LANCL1: variants seen among roughly 807,000 people sequenced by gnomAD.
LANCL1 encodes the protein glutathione S-transferase LANCL1.
Under a neutral mutation model 50.6 loss-of-function variants are expected in LANCL1, and 50 were observed. That is an observed-to-expected ratio of 0.99 (90% CI 0.79 to 1.25). The LOEUF (loss-of-function observed/expected upper bound fraction) is 1.25. Ranked by LOEUF, LANCL1 falls within the 50% of genes most tolerant of loss-of-function variation. LANCL1 has a pLI of 0.00. For synonymous variants in LANCL1, 188 were observed against 178.6 expected, an observed-to-expected ratio of 1.05 and a Z score of -0.42; for missense variants, 532 against 480.7, an observed-to-expected ratio of 1.11 and a Z score of -1.00.
In LANCL1 at chr2:210,455,306, C is replaced by G; in HGVS notation, c.208G>C (p.Val70Leu). 4 of 1,509,246 alleles carry G rather than the reference C, an allele frequency of 2.7e-6. No individual in the cohort carries two copies. The highest frequency in any genetic ancestry group is 3.5e-6 in the Non-Finnish European group (4 of 1,126,766). The allele number at this position is 1,509,246 out of a possible 1,614,324, so 93.5% of individuals were successfully genotyped here. ...ACATCATAAAGATGTAAGTAAAGCA[C>G]AGCAATACCTGAAAAAAAAAAAAGG... ...TGYTGWAGIA[V>L]LYLHLYDVFG... Residue 70 changes from valine to leucine, a missense_variant, in exon 4 of 10, where the codon GTG becomes CTG. Val to Leu is a conservative substitution (Grantham distance 32, BLOSUM62 1). Transcript: ENST00000450366.
At chr2:210,464,587 C>T (rs974623319) in intron 3 of LANCL1, among the ~76,000 whole-genome samples, 4 of 152,032 alleles carry the variant, frequency 2.6e-5, no homozygotes, top group African/African-American at 9.7e-5. Context: ...GTCATGAATG[C>T]ACAAAATATA....
intron 3 of LANCL1, chr2:210,468,271 T>A (rs1694127861): frequency 1.3e-5 from 2 of 151,598 alleles, no homozygotes; most frequent in Admixed American, 1.3e-4. Context: ...AAAATATTGC[T>A]TGGAAAATTT....
At chr2:210,465,151 T>G (rs542133211) in intron 3 of LANCL1, among the ~76,000 whole-genome samples, 4 of 152,346 alleles carry the variant, frequency 2.6e-5, no homozygotes, top group African/African-American at 7.2e-5. Flanking sequence ...CAAGTGTTGC[T>G]CCACTTAAAA....
intron 3 of LANCL1, among the ~76,000 whole-genome samples, chr2:210,458,232 T>TA (rs1327403684): frequency 6.6e-6 from 1 of 152,076 alleles, no homozygotes; most frequent in Non-Finnish European, 1.5e-5. Flanking sequence ...AAGAGAAAAA[T>TA]AAACTTCGGT....
intron 3 of LANCL1, among the ~76,000 whole-genome samples, chr2:210,466,449 A>G (rs1321793006): frequency 6.6e-6 from 1 of 152,128 alleles, no homozygotes; most frequent in Non-Finnish European, 1.5e-5. Flanking sequence ...TACTTTATTT[A>G]CTGCCCCTAG....
intron 4 of LANCL1, among the ~76,000 whole-genome samples, chr2:210,443,280 T>C (rs1392448166): frequency 1.3e-5 from 2 of 152,174 alleles, no homozygotes; most frequent in African/African-American, 4.8e-5. Context: ...GCAAATATGA[T>C]AGGGAAGAAA....
chr2:210,469,315 T>C (rs1694156711), intron 3 of LANCL1: 1 of 152,204 alleles, frequency 6.6e-6, no homozygotes, highest in African/African-American at 2.4e-5. Context: ...TGGGGTTGAA[T>C]CAGTTTTAGT....
rs942634924 is a variant in LANCL1, at chr2:210,440,500, C to T, written c.690+98G>A. ...GAGAGTACTGTAATGCAGTGGTTGA[C>T]AGAATGACAAACTAGAACTAGAATA... On this transcript the variant is annotated intron_variant, in intron 6 of 9. Transcript: ENST00000450366. The T allele has an allele frequency of 2.3e-5, 27 of 1,193,018 alleles. No individual in the cohort carries two copies. In the Admixed American group the frequency reaches 6.6e-4, roughly 29 times the overall value. The allele number at this position is 1,193,018 out of a possible 1,614,324, so 73.9% of individuals were successfully genotyped here. A position where few individuals can be genotyped will look rare whatever the true frequency, so the allele number is the denominator to read the frequency against.
At chr2:210,449,542 AG>A in intron 4 of LANCL1, among the ~76,000 whole-genome samples, 1 of 152,214 alleles carries the variant, frequency 6.6e-6, no homozygotes. Context: ...GTACTCAGAT[AG>A]GAACAGAGGA....
intron 8 of LANCL1, 75 bp from the exon 9 acceptor site, chr2:210,435,534 T>C (rs960630463): frequency 1.9e-6 from 2 of 1,073,848 alleles, no homozygotes; most frequent in East Asian, 2.4e-5. Context: ...AGGTTGTCTA[T>C]ACAAATTACT....
At chr2:210,467,672 C>T (rs1194293317) in intron 3 of LANCL1, among the ~76,000 whole-genome samples, 6 of 152,182 alleles carry the variant, frequency 3.9e-5, no homozygotes, top group Non-Finnish European at 7.4e-5. Context: ...AAAAGTTATA[C>T]ATAAACTTTT....
intron 4 of LANCL1, among the ~76,000 whole-genome samples, chr2:210,448,781 T>C (rs890586505): frequency 2.6e-5 from 4 of 152,246 alleles, no homozygotes; most frequent in African/African-American, 7.2e-5. Flanking sequence ...CCTTGACACA[T>C]ACACCCTCCC....
chr2:210,476,784 A>T (rs1331365246), upstream of LANCL1: 1 of 1,016,622 alleles, frequency 9.8e-7, no homozygotes, highest in East Asian at 9.6e-5. Flanking sequence ...AGGAGGGCCA[A>T]TCAGAGCCTT....
chr2:210,476,846 G>A (rs1694400148), upstream of LANCL1: 3 of 985,404 alleles, frequency 3.0e-6, no homozygotes, highest in Admixed American at 1.2e-4. Flanking sequence ...TAAAGACACA[G>A]GCGTGTAATT....
chr2:210,440,842 AC>A, intron 5 of LANCL1, 98 bp from the exon 6 acceptor site: 1 of 996,286 alleles, frequency 1.0e-6, no homozygotes, highest in African/African-American at 1.6e-5. Flanking sequence ...GGGGAACATG[AC>A]AAATTAGACA....
In LANCL1 at chr2:210,437,756, T is replaced by C; in HGVS notation, c.807A>G (p.Arg269=). The C allele has an allele frequency of 2.5e-6, 4 of 1,612,726 alleles. No homozygotes were observed. Among genetic ancestry groups the C allele is most frequent in the Non-Finnish European group, 2.5e-6 (3 of 1,179,366 alleles). ...CATGGCACCAATGGACAAGCAGATCTCGATTATCACCTATACATGGAGGGT... is the reference window on the plus strand; with the variant it reads ...CATGGCACCAATGGACAAGCAGATCCCGATTATCACCTATACATGGAGGGT... ...GNYPPCIGDN[R]DLLVHWCHGA... is the part of the protein sequence containing the mutation. Residue 269 remains arginine (R), a synonymous_variant, in exon 7 of 10, where the codon CGA becomes CGG. Coordinates refer to ENST00000450366, the MANE Select transcript of LANCL1 (RefSeq NM_006055.3).
intron 3 of LANCL1, among the ~76,000 whole-genome samples, chr2:210,457,271 G>A (rs1299554700): frequency 6.6e-6 from 1 of 152,154 alleles, no homozygotes; most frequent in Non-Finnish European, 1.5e-5. Flanking sequence ...AAGACAAAAT[G>A]TATTATGTCA....
intron 3 of LANCL1, among the ~76,000 whole-genome samples, chr2:210,463,221 T>G (rs1287258508): frequency 6.6e-6 from 1 of 152,094 alleles, no homozygotes; most frequent in Non-Finnish European, 1.5e-5. Flanking sequence ...TTTATTTATT[T>G]TTTTTTTTGG....
intron 4 of LANCL1, among the ~76,000 whole-genome samples, chr2:210,449,316 A>T (rs1041904099): frequency 6.6e-6 from 1 of 152,206 alleles, no homozygotes; most frequent in Non-Finnish European, 1.5e-5. Flanking sequence ...TTCATGCTAA[A>T]AACTCTGAAT....
Sources: allele counts gnomAD v4.1 joint callset (sites outside exome capture counted in the v4.1 genomes callset), GRCh38; gene constraint gnomAD v4.1.1; transcripts MANE v1.5; gene names NCBI Gene and HGNC (gene_info 2026-07-23, HGNC 2026-07-21).